The following CNTNAP5 variants were observed in gnomAD, a reference collection of about 807,000 sequenced individuals.
CNTNAP5 encodes the protein contactin-associated protein-like 5.
Under a neutral mutation model 150.2 loss-of-function variants are expected in CNTNAP5, and 72 were observed. That is an observed-to-expected ratio of 0.48 (90% CI 0.40 to 0.58). CNTNAP5 has a LOEUF of 0.58. CNTNAP5 is among the 20% of genes least tolerant of loss of function. The pLI, the probability that CNTNAP5 is intolerant of heterozygous loss-of-function variation, is 0.00. For synonymous variants in CNTNAP5, 672 were observed against 619.8 expected (o/e 1.08, Z -1.25); for missense variants, 1,636 against 1,626.2 (o/e 1.01, Z -0.10).
chr2:124,552,352 C>T (rs1573453807), intron 10 of CNTNAP5, among the ~76,000 whole-genome samples: 1 of 152,288 alleles, frequency 6.6e-6, no homozygotes, highest in East Asian at 1.9e-4. Context: ...CAGCTGCATC[C>T]AGGCAGTGAC....
At chr2:124,444,842 C>G (rs1255427658) in intron 5 of CNTNAP5, among the ~76,000 whole-genome samples, 1 of 152,130 alleles carries the variant, frequency 6.6e-6, no homozygotes, top group African/African-American at 2.4e-5. Flanking sequence ...GCTCCTCCTT[C>G]CCTCAGGTTT....
At chr2:124,247,590 C>CA (rs5834052) in intron 3 of CNTNAP5, among the ~76,000 whole-genome samples, 6 of 151,480 alleles carry the variant, frequency 4.0e-5, no homozygotes, top group African/African-American at 9.7e-5. Flanking sequence ...AATAAATATA[C>CA]AAAAAAATGG....
At chr2:124,871,189 CA>C (rs1175593326) in intron 21 of CNTNAP5, among the ~76,000 whole-genome samples, 1 of 151,938 alleles carries the variant, frequency 6.6e-6, no homozygotes, top group Non-Finnish European at 1.5e-5. Flanking sequence ...TATCTTCTGC[CA>C]GGCTTTATTT....
chr2:124,839,447 C>CT lies in CNTNAP5; in HGVS notation c.3218-25859_3218-25858insT, dbSNP rs1317278407. On this transcript the variant is annotated intron_variant, in intron 19 of 23. Transcript: ENST00000682447. The stretch of plus-strand genomic sequence containing the variant: ...ACACACTCTCTCTCTCTCTCTCTCT[C>CT]CCTTTCCCCCTCTCTCTTTACTCTC... Among the ~76,000 whole-genome samples the CT allele has an allele frequency of 4.1e-3, 615 of 151,628 alleles. 6 individuals carry two copies. Among genetic ancestry groups the CT allele is most frequent in the African/African-American group, 0.014 (579 of 41,272 alleles).
chr2:124,154,528 G>A (rs1202795057), intron 1 of CNTNAP5, among the ~76,000 whole-genome samples: 3 of 152,144 alleles, frequency 2.0e-5, no homozygotes, highest in Non-Finnish European at 4.4e-5. Flanking sequence ...GAGGGATGCA[G>A]CCAAGGAGCA....
chr2:124,619,202 G>A (rs781186245), intron 12 of CNTNAP5, among the ~76,000 whole-genome samples: 1 of 152,124 alleles, frequency 6.6e-6, no homozygotes, highest in African/African-American at 2.4e-5. Flanking sequence ...TAATTGGGTC[G>A]GTAGGGAAAG....
intron 19 of CNTNAP5, among the ~76,000 whole-genome samples, chr2:124,820,816 CACTT>C (rs1682470450): frequency 1.3e-5 from 2 of 152,176 alleles, no homozygotes; most frequent in Non-Finnish European, 2.9e-5. Flanking sequence ...TATTATATGC[CACTT>C]ACTTTCACAT....
intron 11 of CNTNAP5, among the ~76,000 whole-genome samples, chr2:124,580,459 A>G (rs1696386006): frequency 6.6e-6 from 1 of 152,114 alleles, no homozygotes; most frequent in Non-Finnish European, 1.5e-5. Context: ...CCTCACTTCC[A>G]CTTTCTGTCC....
intron 2 of CNTNAP5, among the ~76,000 whole-genome samples, chr2:124,225,481 A>G (rs561975421): frequency 1.3e-5 from 2 of 152,232 alleles, no homozygotes; most frequent in Admixed American, 6.5e-5. Flanking sequence ...CCTCCCTCTT[A>G]TGTGATTGAA....
chr2:124,706,861 G>GAA (rs1679664829), intron 13 of CNTNAP5, among the ~76,000 whole-genome samples: 2 of 135,212 alleles, frequency 1.5e-5, no homozygotes, highest in African/African-American at 5.9e-5. Context: ...AGGAGGAGAA[G>GAA]GAGAAGGGGA....
chr2:124,227,371 T>C (rs942084859), intron 2 of CNTNAP5, among the ~76,000 whole-genome samples: 6 of 151,894 alleles, frequency 4.0e-5, no homozygotes, highest in Admixed American at 3.9e-4. Context: ...CAACACCAAA[T>C]CCCTGCCCCT....
intron 11 of CNTNAP5, among the ~76,000 whole-genome samples, chr2:124,604,783 A>G (rs1697064264): frequency 6.6e-6 from 1 of 152,206 alleles, no homozygotes; most frequent in Non-Finnish European, 1.5e-5. Context: ...CTGAGCCAGC[A>G]TTTAAGGAAC....
intron 13 of CNTNAP5, among the ~76,000 whole-genome samples, chr2:124,710,183 T>G (rs1679777202): frequency 6.6e-6 from 1 of 152,120 alleles, no homozygotes; most frequent in South Asian, 2.1e-4. Context: ...AGTGGGAATG[T>G]GGGACCCAGT....
In CNTNAP5 at chr2:124,072,676, C is replaced by T. The variant is rs555552930; in HGVS notation, c.82+46944C>T. On this transcript the variant is annotated intron_variant, in intron 1 of 23. Transcript: ENST00000682447. ...GAATCAACCAGAAAATGAAAAATCTCTACAATGAATATTACAAAATATTGA... is the reference window on the plus strand; with the variant it reads ...GAATCAACCAGAAAATGAAAAATCTTTACAATGAATATTACAAAATATTGA... Among the ~76,000 whole-genome samples, 4 of 151,692 alleles carry T rather than the reference C, an allele frequency of 2.6e-5. No homozygotes were observed. In the East Asian group the frequency reaches 5.8e-4, roughly 22 times the overall value.
intron 3 of CNTNAP5, among the ~76,000 whole-genome samples, chr2:124,394,976 T>C (rs2115889): frequency 0.53 from 80,836 of 151,982 alleles, 22,896 homozygotes; most frequent in South Asian, 0.67. Flanking sequence ...ATTCTCTTGA[T>C]CTTATCCTAT....
At chr2:124,538,011 G>T (rs531529228) in intron 10 of CNTNAP5, among the ~76,000 whole-genome samples, 63 of 152,246 alleles carry the variant, frequency 4.1e-4, no homozygotes, top group African/African-American at 1.4e-3. Context: ...TGCTGAAAAC[G>T]AAGCCAGAAC....
intron 13 of CNTNAP5, among the ~76,000 whole-genome samples, chr2:124,715,227 G>C (rs1411900831): frequency 6.6e-6 from 1 of 152,170 alleles, no homozygotes; most frequent in Non-Finnish European, 1.5e-5. Context: ...CAAGCATTGG[G>C]CTAACCATTG....
At chr2:124,424,980 C>T (rs1405907159) in intron 4 of CNTNAP5, among the ~76,000 whole-genome samples, 2 of 152,166 alleles carry the variant, frequency 1.3e-5, no homozygotes, top group Non-Finnish European at 2.9e-5. Context: ...ATTCCTGTGA[C>T]CCATATGCTA....
At chr2:124,124,725 C>T (rs180768265) in intron 1 of CNTNAP5, among the ~76,000 whole-genome samples, 12,644 of 152,256 alleles carry the variant, frequency 0.083, 708 homozygotes, top group Non-Finnish European at 0.13. Context: ...TCAGAAGAAA[C>T]TCTACAAGCC....
Sources: gnomAD v4.1 joint callset for allele counts (sites outside exome capture counted in the v4.1 genomes callset) on GRCh38, gnomAD v4.1.1 for gene constraint, MANE v1.5 for transcripts, NCBI Gene and HGNC (gene_info 2026-07-23, HGNC 2026-07-21) for gene names.